The following OPRM1 variants were observed in gnomAD, a reference collection of about 807,000 sequenced individuals.
OPRM1 encodes the protein mu-type opioid receptor.
In OPRM1, 27 loss-of-function variants were observed where a neutral mutation model predicts 31.8. The ratio of observed to expected loss-of-function variants is 0.85; its 90% CI spans 0.63 to 1.17. The LOEUF (loss-of-function observed/expected upper bound fraction) is 1.17. Ranked by LOEUF, OPRM1 falls within the 50% of genes most tolerant of loss-of-function variation. The probability of loss-of-function intolerance (pLI) is 0.00; values close to 1 mark genes in which losing one functional copy is unlikely to be tolerated. For synonymous variants in OPRM1, 196 were observed against 189.9 expected (o/e 1.03, Z -0.26); for missense variants, 536 against 511.1 (o/e 1.05, Z -0.47).
chr6:154,173,916 C>T (rs538549384), intron 3 of OPRM1, among the ~76,000 whole-genome samples: 2 of 152,220 alleles, frequency 1.3e-5, no homozygotes, highest in South Asian at 4.1e-4. Flanking sequence ...TAAGGGCAGT[C>T]AGAGAGAAAG....
At chr6:154,213,907 A>G (rs1034478243) in intron 3 of OPRM1, among the ~76,000 whole-genome samples, 19 of 152,228 alleles carry the variant, frequency 1.2e-4, no homozygotes, top group African/African-American at 4.3e-4. Flanking sequence ...GATCATGTCT[A>G]TCAGTAAGAA....
intron 3 of OPRM1, among the ~76,000 whole-genome samples, chr6:154,213,764 C>T (rs1778154109): frequency 6.6e-6 from 1 of 152,120 alleles, no homozygotes; most frequent in South Asian, 2.1e-4. Flanking sequence ...AAAAATATGG[C>T]CTGTGTCCCA....
chr6:154,015,294 A>G (rs1034281916), intron 1 of OPRM1, among the ~76,000 whole-genome samples: 1 of 152,096 alleles, frequency 6.6e-6, no homozygotes, highest in Admixed American at 6.6e-5. Context: ...ATGTAAAAAG[A>G]CAGAGAGACT....
intron 3 of OPRM1, among the ~76,000 whole-genome samples, chr6:154,099,847 A>T (rs1270932674): frequency 6.8e-6 from 1 of 146,278 alleles, no homozygotes; most frequent in African/African-American, 2.5e-5. Flanking sequence ...AGGATATATC[A>T]TAATATATTA....
intron 1 of OPRM1, among the ~76,000 whole-genome samples, chr6:154,011,673 C>T (rs1777736869): frequency 6.6e-6 from 1 of 152,028 alleles, no homozygotes; most frequent in African/African-American, 2.4e-5. Flanking sequence ...CACAGTTTTC[C>T]ACTTTATTTG....
chr6:154,110,944 T>C (rs1796297888), intron 3 of OPRM1, among the ~76,000 whole-genome samples: 2 of 149,634 alleles, frequency 1.3e-5, no homozygotes, highest in Admixed American at 1.3e-4. Context: ...GTTTGACTGA[T>C]TACACCATTC....
chr6:154,220,932 G>A lies in OPRM1; in HGVS notation c.1165-25761G>A, dbSNP rs552319482. On this transcript the variant is annotated intron_variant, in intron 3 of 3. Coordinates refer to the OPRM1 transcript ENST00000337049. Reference sequence around the variant, plus strand: ...TTTTGCATGTAGAATTCCGAAAGCTGCAAGATCAGTTACATAATACTTTCA... The same window carrying A: ...TTTTGCATGTAGAATTCCGAAAGCTACAAGATCAGTTACATAATACTTTCA... Among the ~76,000 whole-genome samples, 33 of 152,350 alleles carry A rather than the reference G, an allele frequency of 2.2e-4. 1 individual carries two copies. The South Asian group carries it at 6.8e-3, about 32-fold the overall frequency.
intron 1 of OPRM1, among the ~76,000 whole-genome samples, chr6:154,013,541 A>G (rs1777843019): frequency 6.6e-6 from 1 of 152,224 alleles, no homozygotes; most frequent in Non-Finnish European, 1.5e-5. Context: ...GAATAAACAC[A>G]TAAGTAAAAT....
intron 1 of OPRM1, among the ~76,000 whole-genome samples, chr6:154,069,963 T>G (rs1786298299): frequency 6.6e-6 from 1 of 152,180 alleles, no homozygotes; most frequent in Non-Finnish European, 1.5e-5. Flanking sequence ...GAAAAACAAA[T>G]GAAGTAGGGG....
rs961385179 is a variant in OPRM1, at chr6:154,122,391, G to T, written c.*3670G>T. Among the ~76,000 whole-genome samples the T allele has an allele frequency of 6.6e-6, 1 of 151,988 alleles. No individual in the cohort carries two copies. ...AGTGAGAACATGAAAGTTCATAAAT[G>T]CCTGGGCCACTGCAACTCTAACCAC... On this transcript the variant is annotated 3_prime_UTR_variant, in exon 4 of 4. Transcript: ENST00000330432.
chr6:154,237,506 C>T (rs1780230246), intron 3 of OPRM1, among the ~76,000 whole-genome samples: 1 of 152,190 alleles, frequency 6.6e-6, no homozygotes, highest in Non-Finnish European at 1.5e-5. Flanking sequence ...TTTAGGCAAA[C>T]ACATTGCTTT....
At chr6:154,084,492 G>A (rs1032321981) in intron 1 of OPRM1, among the ~76,000 whole-genome samples, 6 of 151,686 alleles carry the variant, frequency 4.0e-5, no homozygotes, top group African/African-American at 1.5e-4. Context: ...GATAATAATG[G>A]ATCAATTAAC....
chr6:154,240,043 C>G (rs767920574), intron 3 of OPRM1, among the ~76,000 whole-genome samples: 7 of 152,086 alleles, frequency 4.6e-5, no homozygotes, highest in Non-Finnish European at 7.4e-5. Flanking sequence ...GTTTGGGATA[C>G]GCTCAGAGGC....
intron 3 of OPRM1, among the ~76,000 whole-genome samples, chr6:154,235,547 A>AAAAAAAT (rs1562558352): frequency 6.7e-6 from 1 of 149,820 alleles, no homozygotes; most frequent in African/African-American, 2.4e-5. Flanking sequence ...AAAAAAAAAA[A>AAAAAAAT]AAAAGTAATG....
Position 154,237,193 on chromosome 6 carries a change from T to C in OPRM1, c.1165-9500T>C, listed in dbSNP as rs1043638714. Among the ~76,000 whole-genome samples the C allele has an allele frequency of 3.3e-5, 5 of 152,186 alleles. No homozygotes were observed. In the South Asian group the frequency reaches 1.0e-3, roughly 32 times the overall value. On this transcript the variant is annotated intron_variant, in intron 3 of 3. Transcript: ENST00000337049. ...TTCTCAGGAAAATCCTCAAACCTAA[T>C]GAAAAGTTCAGCTCATCCCATGGGC...
At chr6:154,093,240 A>G in intron 3 of OPRM1, 2 of 1,570,496 alleles carry the variant, frequency 1.3e-6, no homozygotes, top group Non-Finnish European at 8.7e-7. Flanking sequence ...AATAATGGCC[A>G]TTATAAAGTA....
chr6:154,090,945 C>A lies in OPRM1; in HGVS notation c.644-7C>A. 1.2e-6 allele frequency: 2 copies of A among 1,605,748 alleles called. No individual in the cohort carries two copies. The highest frequency in any genetic ancestry group is 1.7e-6 in the Non-Finnish European group (2 of 1,175,640). ...GCTAATTTTTCCTTTAAATTCCTTTCTTCTAGGTTCCATAGATTGTACACT... is the reference window on the plus strand; with the variant it reads ...GCTAATTTTTCCTTTAAATTCCTTTATTCTAGGTTCCATAGATTGTACACT... On this transcript the variant is annotated splice_polypyrimidine_tract_variant and splice_region_variant and intron_variant, in intron 2 of 3. Coordinates refer to ENST00000330432, the MANE Select transcript of OPRM1 (RefSeq NM_000914.5).
chr6:154,174,243 G>A (rs1245069673), intron 3 of OPRM1, among the ~76,000 whole-genome samples: 1 of 152,130 alleles, frequency 6.6e-6, no homozygotes, highest in African/African-American at 2.4e-5. Context: ...GACCATCAAT[G>A]CTAGGAAGAA....
At chr6:154,246,709 G>A (rs1781071178) in exon 4 of OPRM1, 3 of 1,614,052 alleles carry the variant, frequency 1.9e-6, no homozygotes, top group Non-Finnish European at 2.5e-6. Flanking sequence ...TTGGCAGTCA[G>A]CATGGCCCAG....
Sources: gnomAD v4.1 joint callset for allele counts (sites outside exome capture counted in the v4.1 genomes callset) on GRCh38, gnomAD v4.1.1 for gene constraint, MANE v1.5 for transcripts, NCBI Gene and HGNC (gene_info 2026-07-23, HGNC 2026-07-21) for gene names.